The following COL26A1 variants were observed in gnomAD, a reference collection of about 807,000 sequenced individuals.
The protein encoded by COL26A1 is collagen alpha-1(XXVI) chain.
A neutral mutation model predicts 59.3 loss-of-function variants in COL26A1; 41 were observed. The ratio of observed to expected loss-of-function variants is 0.69; its 90% CI spans 0.54 to 0.90. The LOEUF (loss-of-function observed/expected upper bound fraction) is 0.90. Ranked by LOEUF, COL26A1 falls within the 40% of genes least tolerant of loss-of-function variation. COL26A1 has a pLI of 0.00. For synonymous variants in COL26A1, 266 were observed against 256.0 expected (o/e 1.04, Z -0.37); for missense variants, 612 against 602.3 (o/e 1.02, Z -0.17).
chr7:101,466,825 T>TGA (rs1793770642), intron 3 of COL26A1, among the ~76,000 whole-genome samples: 1 of 128,174 alleles, frequency 7.8e-6, no homozygotes, highest in Non-Finnish European at 1.7e-5. Context: ...TGTGTGTGTG[T>TGA]GTGTGTGTGT....
At chr7:101,468,516 C>T (rs372039265) in intron 3 of COL26A1, among the ~76,000 whole-genome samples, 2 of 152,052 alleles carry the variant, frequency 1.3e-5, no homozygotes, top group Non-Finnish European at 2.9e-5. Context: ...CTCTGCTCCC[C>T]GAGGCAGGGC....
At chr7:101,522,856 A>C (rs1394519992) in intron 3 of COL26A1, among the ~76,000 whole-genome samples, 1 of 151,928 alleles carries the variant, frequency 6.6e-6, no homozygotes, top group Admixed American at 6.6e-5. Flanking sequence ...TAGTCTTTTT[A>C]ATATCAGCCA....
intron 2 of COL26A1, among the ~76,000 whole-genome samples, chr7:101,430,534 C>CT (rs1419225151): frequency 2.7e-5 from 4 of 147,984 alleles, no homozygotes; most frequent in Non-Finnish European, 2.9e-5. Flanking sequence ...CATGATCTGC[C>CT]TGCCTCAGCT....
At chr7:101,378,634 C>T (rs765029577) in intron 1 of COL26A1, among the ~76,000 whole-genome samples, 159 of 152,176 alleles carry the variant, frequency 1.0e-3, no homozygotes, top group Non-Finnish European at 1.9e-3. Flanking sequence ...GACACCAAGA[C>T]CGGTGGGGGG....
At chr7:101,402,721 C>T (rs978486977) in intron 1 of COL26A1, among the ~76,000 whole-genome samples, 3 of 127,486 alleles carry the variant, frequency 2.4e-5, no homozygotes, top group African/African-American at 8.8e-5. Flanking sequence ...TTCTCTCTTT[C>T]TCTCCTTCTT....
chr7:101,553,425 C>A (rs1795901572), intron 11 of COL26A1, 49 bp downstream of exon 11: 5 of 1,582,918 alleles, frequency 3.2e-6, no homozygotes, highest in South Asian at 1.1e-5. Flanking sequence ...TGGCTGTGAG[C>A]ACTGTCACGG....
chr7:101,380,486 G>A (rs901063971), intron 1 of COL26A1, among the ~76,000 whole-genome samples: 1 of 151,986 alleles, frequency 6.6e-6, no homozygotes, highest in Non-Finnish European at 1.5e-5. Context: ...ATAGAGACGA[G>A]GGTTTCACCA....
chr7:101,489,659 T>G (rs867958303), intron 3 of COL26A1, among the ~76,000 whole-genome samples: 798 of 68,996 alleles, frequency 0.012, 71 homozygotes, highest in African/African-American at 0.043. Flanking sequence ...CTTTCTTTCT[T>G]TCTTCCTTCC....
At chr7:101,401,643 A>AGGAGGAGGT in intron 1 of COL26A1, among the ~76,000 whole-genome samples, 1 of 115,038 alleles carries the variant, frequency 8.7e-6, no homozygotes, top group South Asian at 3.5e-4. Flanking sequence ...GAAGAGGGAG[A>AGGAGGAGGT]GGAGGAGGTG....
intron 1 of COL26A1, among the ~76,000 whole-genome samples, chr7:101,381,370 G>A (rs190128922): frequency 2.0e-5 from 3 of 151,982 alleles, no homozygotes; most frequent in Admixed American, 2.0e-4. Context: ...GATTAGGTTG[G>A]GCTCATCTGG....
chr7:101,425,826 A>AT (rs531266478), intron 2 of COL26A1, among the ~76,000 whole-genome samples: 14,270 of 131,434 alleles, frequency 0.11, 1,451 homozygotes, highest in African/African-American at 0.27. Context: ...TCTTAGCATA[A>AT]TTTTTTTTTT....
At position 101,384,044 on chromosome 7, in the gene COL26A1, C is replaced by T. The variant is rs140616462; in HGVS notation, c.158+20854C>T. 4.2e-4 allele frequency among the ~76,000 whole-genome samples: 64 copies of T among 151,444 alleles called. No individual in the cohort carries two copies. The East Asian group carries it at 0.011, about 26-fold the overall frequency. On this transcript the variant is annotated intron_variant, in intron 1 of 12. Transcript: ENST00000313669. Reference sequence around the variant, plus strand: ...TATTTATTTATTTGAGACAGGGTCTCACTCCATTGACAAGCCTGGAGTGCC... The same window carrying T: ...TATTTATTTATTTGAGACAGGGTCTTACTCCATTGACAAGCCTGGAGTGCC...
At chr7:101,517,601 T>A (rs1263963240) in intron 3 of COL26A1, among the ~76,000 whole-genome samples, 6 of 152,052 alleles carry the variant, frequency 3.9e-5, no homozygotes, top group Non-Finnish European at 8.8e-5. Flanking sequence ...GCCCCATGAT[T>A]CAATTAGCTC....
chr7:101,528,843 C>T (rs1480070013), intron 3 of COL26A1, among the ~76,000 whole-genome samples: 1 of 152,154 alleles, frequency 6.6e-6, no homozygotes, highest in African/African-American at 2.4e-5. Flanking sequence ...GCCACCACAC[C>T]CATCCTTCTT....
At chr7:101,500,747 A>G (rs1487729164) in intron 3 of COL26A1, among the ~76,000 whole-genome samples, 4 of 151,784 alleles carry the variant, frequency 2.6e-5, no homozygotes, top group South Asian at 2.1e-4. Context: ...CTTGAACTCC[A>G]GAGGCTGAAG....
Position 101,557,440 on chromosome 7 carries a change from G to C in COL26A1, c.1236G>C (p.Arg412Ser). 6.2e-7 allele frequency: 1 copy of C among 1,613,662 alleles called. No individual in the cohort carries two copies. Among genetic ancestry groups the C allele is most frequent in the Non-Finnish European group, 8.5e-7 (1 of 1,179,752 alleles). Residue 412 changes from arginine to serine, a missense_variant, in exon 13 of 13, where the codon AGG becomes AGC. Transcript: ENST00000313669. ...TGAGAGCCAACCTCAAGATGAAGAG[G>C]GGTGGCGCCCAACCCGATGGGGTCC... Reference protein sequence around the residue: ...AALRANLKMKRGGAQPDGVLA... With the variant: ...AALRANLKMKSGGAQPDGVLA...
At chr7:101,543,465 G>A (rs1795660399) in intron 5 of COL26A1, among the ~76,000 whole-genome samples, 3 of 152,112 alleles carry the variant, frequency 2.0e-5, no homozygotes, top group Admixed American at 2.0e-4. Flanking sequence ...CATCCTCTCT[G>A]GGCCAGAGGG....
chr7:101,548,545 G>T (rs776068351), intron 8 of COL26A1, among the ~76,000 whole-genome samples: 75 of 152,202 alleles, frequency 4.9e-4, no homozygotes, highest in Non-Finnish European at 2.8e-4. Context: ...GTGATGCTCT[G>T]TGTCAGACTG....
intron 1 of COL26A1, among the ~76,000 whole-genome samples, chr7:101,395,220 T>A (rs1791828515): frequency 6.6e-6 from 1 of 152,166 alleles, no homozygotes; most frequent in Admixed American, 6.6e-5. Flanking sequence ...CCGAATGTCC[T>A]GTTGTGAGAT....
Sources: allele counts gnomAD v4.1 joint callset (sites outside exome capture counted in the v4.1 genomes callset), GRCh38; gene constraint gnomAD v4.1.1; transcripts MANE v1.5; gene names NCBI Gene and HGNC (gene_info 2026-07-23, HGNC 2026-07-21).